SCYL3: variants seen among roughly 807,000 people sequenced by gnomAD.
SCYL3 encodes SCY1 like pseudokinase 3, also known as protein-associating with the carboxyl-terminal domain of ezrin.
SCYL3 carries 35 observed loss-of-function variants against 73.8 expected under a neutral mutation model. That is an observed-to-expected ratio of 0.47 (90% CI 0.36 to 0.63). The LOEUF (loss-of-function observed/expected upper bound fraction) is 0.63, where lower values mean the gene tolerates loss of function less well. SCYL3 is among the 20% of genes least tolerant of loss of function. The pLI is 0.00. For synonymous variants in SCYL3, 277 were observed against 295.2 expected (o/e 0.94, Z 0.63); for missense variants, 712 against 798.9 (o/e 0.89, Z 1.31).
Position 169,850,193 on chromosome 1 carries a change from T to G in SCYL3, c.*3520A>C. The G allele has an allele frequency of 9.8e-7, 1 of 1,015,938 alleles. No individual in the cohort carries two copies. Among genetic ancestry groups the G allele is most frequent in the Non-Finnish European group, 1.5e-6 (1 of 662,526 alleles). 62.9% of individuals were successfully genotyped at this position (1,015,938 alleles called of 1,614,324 possible). ...ATGAATTTTTGGTTAAGGTAGCTCA[T>G]AAAACTCATCTATTTGTCTTTGCAA... On this transcript the variant is annotated 3_prime_UTR_variant, in exon 13 of 13. Transcript: ENST00000367771.
Position 169,852,694 on chromosome 1 carries a change from A to G in SCYL3, c.*1019T>C. On this transcript the variant is annotated 3_prime_UTR_variant, in exon 13 of 13. Transcript: ENST00000367771. ...CTCCTACCCTTGTGATCCAATGACT[A>G]GAATAAAATTTGCATGTAAGCTTTA... The G allele has an allele frequency of 8.0e-7, 1 of 1,250,710 alleles. No individual in the cohort carries two copies. The highest frequency in any genetic ancestry group is 2.3e-5 in the East Asian group (1 of 42,850). 77.5% of individuals were successfully genotyped at this position (1,250,710 alleles called of 1,614,324 possible). A position where few individuals can be genotyped will look rare whatever the true frequency, so the allele number is the denominator to read the frequency against.
intron 4 of SCYL3, among the ~76,000 whole-genome samples, chr1:169,874,360 T>C (rs1019545693): frequency 2.0e-5 from 3 of 152,232 alleles, no homozygotes; most frequent in Non-Finnish European, 4.4e-5. Flanking sequence ...TAACCTAGAA[T>C]GTAAACTAAG....
In SCYL3 at chr1:169,869,235, C is replaced by T; in HGVS notation, c.626-196G>A. ...TAGAAAGTTGTCCTGCCACCACCAT[C>T]AAACCCCACCCCAGGTGCCATTCCC... On this transcript the variant is annotated intron_variant, in intron 6 of 12. Transcript: ENST00000367771. 7.2e-6 allele frequency: 4 copies of T among 558,398 alleles called. No individual in the cohort carries two copies. The South Asian group carries it at 8.1e-5, about 11-fold the overall frequency. The allele number at this position is 558,398 out of a possible 1,614,324, so 34.6% of individuals were successfully genotyped here.
intron 3 of SCYL3, among the ~76,000 whole-genome samples, chr1:169,876,566 G>A (rs945837503): frequency 5.3e-5 from 8 of 151,662 alleles, no homozygotes; most frequent in South Asian, 2.1e-4. Context: ...ATTCTATCAC[G>A]AACCCAGATC....
At chr1:169,879,451 T>G (rs549731941) in intron 2 of SCYL3, among the ~76,000 whole-genome samples, 1 of 152,306 alleles carries the variant, frequency 6.6e-6, no homozygotes, top group Admixed American at 6.5e-5. Flanking sequence ...ATCCACTGGA[T>G]AGACCCAAAC....
At chr1:169,853,829 A>G in intron 12 of SCYL3, 57 bp from the exon 13 acceptor site, 1 of 1,588,942 alleles carries the variant, frequency 6.3e-7, no homozygotes, top group Non-Finnish European at 8.6e-7. Context: ...TGCAAAAATC[A>G]TACGCAAATT....
chr1:169,852,095 A>AAATT lies in SCYL3; in HGVS notation c.*1614_*1617dup. The AAATT allele has an allele frequency of 1.0e-6, 1 of 971,458 alleles. No homozygotes were observed. Among genetic ancestry groups the AAATT allele is most frequent in the African/African-American group, 1.6e-5 (1 of 61,424 alleles). The allele number at this position is 971,458 out of a possible 1,614,324, so 60.2% of individuals were successfully genotyped here. A position where few individuals can be genotyped will look rare whatever the true frequency, so the allele number is the denominator to read the frequency against. On this transcript the variant is annotated 3_prime_UTR_variant, in exon 13 of 13. Coordinates refer to ENST00000367771, the MANE Select transcript of SCYL3 (RefSeq NM_020423.7). ...TTCTGTTTTATGGTAGTTGCTTTTA[A>AAATT]AATTAAGAAGTGGGACTACACCATA... is the stretch of plus-strand genomic sequence containing the variant.
At chr1:169,855,518 G>A (rs1056549166) in intron 11 of SCYL3, among the ~76,000 whole-genome samples, 1 of 152,044 alleles carries the variant, frequency 6.6e-6, no homozygotes, top group Non-Finnish European at 1.5e-5. Context: ...TATCATTCTT[G>A]GTACAATTTG....
At chr1:169,872,776 G>T (rs1421635968) in intron 5 of SCYL3, among the ~76,000 whole-genome samples, 1 of 152,156 alleles carries the variant, frequency 6.6e-6, no homozygotes, top group African/African-American at 2.4e-5. Context: ...GGAGCTTTAA[G>T]ATTTGACTGC....
In SCYL3 at chr1:169,849,713, A is replaced by G. The variant is rs1203497548; in HGVS notation, c.*4000T>C. The G allele has an allele frequency of 1.2e-5, 10 of 812,418 alleles. No homozygotes were observed. Among genetic ancestry groups the G allele is most frequent in the Non-Finnish European group, 2.0e-5 (10 of 503,154 alleles). 50.3% of individuals were successfully genotyped at this position (812,418 alleles called of 1,614,324 possible). ...TGAACTGCTTCTGTATTGCAATCGG[A>G]AAATTGTCTGAAGGGTACATTACTC... On this transcript the variant is annotated 3_prime_UTR_variant, in exon 13 of 13. Transcript: ENST00000367771.
intron 2 of SCYL3, among the ~76,000 whole-genome samples, chr1:169,880,572 A>C (rs956012626): frequency 2.2e-5 from 2 of 90,652 alleles, no homozygotes; most frequent in African/African-American, 7.0e-5. Context: ...TCAGAGGAAA[A>C]GGCAAAATAA....
Position 169,850,295 on chromosome 1 carries a change from T to G in SCYL3, c.*3418A>C, listed in dbSNP as rs1370009010. The G allele has an allele frequency of 1.2e-6, 2 of 1,612,654 alleles. No individual in the cohort carries two copies. The highest frequency in any genetic ancestry group is 2.2e-5 in the South Asian group (2 of 91,038). The stretch of plus-strand genomic sequence containing the variant: ...AAATCATGAAGAGATAGTTCCACAG[T>G]GTCTCAGTTCTGAAGAAACTAAGAA... On this transcript the variant is annotated 3_prime_UTR_variant, in exon 13 of 13. Transcript: ENST00000367771.
chr1:169,883,183 C>T (rs990887719), intron 2 of SCYL3, among the ~76,000 whole-genome samples: 4 of 152,140 alleles, frequency 2.6e-5, no homozygotes, highest in African/African-American at 9.7e-5. Context: ...TAACACTCAC[C>T]GCGAGGGTCC....
Position 169,852,053 on chromosome 1 carries a change from G to T in SCYL3, c.*1660C>A. On this transcript the variant is annotated 3_prime_UTR_variant, in exon 13 of 13. Transcript: ENST00000367771. ...CTTATGCTGAATTTCAAATCAAATAGATCTAGACATGTAAAATTCTGTTTT... is the reference window on the plus strand; with the variant it reads ...CTTATGCTGAATTTCAAATCAAATATATCTAGACATGTAAAATTCTGTTTT... 2 of 1,398,860 alleles carry T rather than the reference G, an allele frequency of 1.4e-6. No individual in the cohort carries two copies. Among genetic ancestry groups the T allele is most frequent in the South Asian group, 1.2e-5 (1 of 82,580 alleles). The allele number at this position is 1,398,860 out of a possible 1,614,324, so 86.7% of individuals were successfully genotyped here.
intron 10 of SCYL3, among the ~76,000 whole-genome samples, chr1:169,859,417 TA>T (rs1558120102): frequency 6.6e-6 from 1 of 152,184 alleles, no homozygotes. Flanking sequence ...TTACCATTTT[TA>T]AAAAATACAA....
chr1:169,870,431 T>C, intron 5 of SCYL3, 74 bp from the exon 6 acceptor site: 1 of 930,254 alleles, frequency 1.1e-6, no homozygotes, highest in East Asian at 2.4e-5. Context: ...TGAAGCACCT[T>C]CTCCCATGTT....
At chr1:169,867,264 A>G (rs1437669313) in intron 7 of SCYL3, among the ~76,000 whole-genome samples, 2 of 152,242 alleles carry the variant, frequency 1.3e-5, no homozygotes, top group Non-Finnish European at 2.9e-5. Flanking sequence ...GTTGGTTGTA[A>G]TAGGATGTTA....
intron 3 of SCYL3, among the ~76,000 whole-genome samples, chr1:169,876,752 G>T (rs1313552532): frequency 6.6e-6 from 1 of 151,868 alleles, no homozygotes; most frequent in Non-Finnish European, 1.5e-5. Context: ...TCAGGAGATC[G>T]AGACCATCCT....
At position 169,878,447 on chromosome 1, in the gene SCYL3, A is replaced by G. The variant is rs145324922; in HGVS notation, c.351+187T>C. On this transcript the variant is annotated intron_variant, in intron 3 of 12. Transcript: ENST00000367771. ...GGACACAGAACTAGTTGTCCATTCT[A>G]TAAAACCTCTATCTATAGCACCTCT... Among the ~76,000 whole-genome samples, 61 of 152,372 alleles carry G rather than the reference A, an allele frequency of 4.0e-4. No individual in the cohort carries two copies. The East Asian group carries it at 0.011, about 28-fold the overall frequency.
Sources: allele counts gnomAD v4.1 joint callset (sites outside exome capture counted in the v4.1 genomes callset), GRCh38; gene constraint gnomAD v4.1.1; transcripts MANE v1.5; gene names NCBI Gene and HGNC (gene_info 2026-07-23, HGNC 2026-07-21).